The following FRK variants were observed in gnomAD, a reference collection of about 807,000 sequenced individuals.
The protein encoded by FRK is fyn related Src family tyrosine kinase, also known as tyrosine-protein kinase FRK.
Under a neutral mutation model 56.4 loss-of-function variants are expected in FRK, and 51 were observed. That is an observed-to-expected ratio of 0.90 (90% CI 0.72 to 1.14). The LOEUF (loss-of-function observed/expected upper bound fraction) is 1.14. Among genes scored for constraint, FRK ranks in the 50% most tolerant of loss-of-function variants. The probability of loss-of-function intolerance (pLI) is 0.00; values close to 1 mark genes in which losing one functional copy is unlikely to be tolerated. For missense variants in FRK, 570 were observed against 601.4 expected, an observed-to-expected ratio of 0.95 and a Z score of 0.55; for synonymous variants, 245 against 217.9, an observed-to-expected ratio of 1.12 and a Z score of -1.10.
intron 1 of FRK, among the ~76,000 whole-genome samples, chr6:116,014,183 T>C (rs2114719471): frequency 6.6e-6 from 1 of 152,326 alleles, no homozygotes; most frequent in East Asian, 1.9e-4. Flanking sequence ...ATTTTCTATG[T>C]GCTGAAATAC....
At chr6:115,980,632 C>T (rs1192457108) in intron 2 of FRK, among the ~76,000 whole-genome samples, 4 of 152,126 alleles carry the variant, frequency 2.6e-5, no homozygotes, top group Admixed American at 6.6e-5. Context: ...AAAACATACA[C>T]ATAATGCTTC....
At chr6:115,991,575 C>A (rs1292299623) in intron 2 of FRK, among the ~76,000 whole-genome samples, 2 of 151,554 alleles carry the variant, frequency 1.3e-5, no homozygotes, top group Admixed American at 6.6e-5. Context: ...TTACATTGAT[C>A]AATTTGCATA....
chr6:116,014,764 T>C (rs1266168310), intron 1 of FRK, among the ~76,000 whole-genome samples: 1 of 152,172 alleles, frequency 6.6e-6, no homozygotes, highest in Non-Finnish European at 1.5e-5. Context: ...ACTTGTTCTT[T>C]AAAAATTGTT....
intron 1 of FRK, among the ~76,000 whole-genome samples, chr6:116,056,530 G>A (rs574189146): frequency 6.6e-6 from 1 of 152,174 alleles, no homozygotes; most frequent in East Asian, 1.9e-4. Flanking sequence ...TATTATTGCT[G>A]ATCATATTGC....
At chr6:116,096,844 T>C in the FRK span, among the ~76,000 whole-genome samples, 7 of 152,350 alleles carry the variant, frequency 4.6e-5, no homozygotes, top group African/African-American at 1.7e-4. Context: ...CTGCTCACTC[T>C]TTGGGTCCAT....
chr6:116,034,934 G>A (rs1776414905), intron 1 of FRK, among the ~76,000 whole-genome samples: 1 of 151,976 alleles, frequency 6.6e-6, no homozygotes, highest in Non-Finnish European at 1.5e-5. Flanking sequence ...ATGGAAATTG[G>A]GTGGGAAGAA....
rs73772210 is a variant in FRK at position 116,040,924 on chromosome 6, T to C, written c.344+19044A>G. On this transcript the variant is annotated intron_variant, in intron 1 of 7. Coordinates refer to ENST00000606080, the MANE Select transcript of FRK (RefSeq NM_002031.3). ...GATAAACTAGAATATTTTATAATAC[T>C]AAAAATTTTGGATAATGGAGATTCA... Among the ~76,000 whole-genome samples the C allele has an allele frequency of 4.3e-3, 649 of 152,246 alleles. 8 individuals are homozygous for C. Among genetic ancestry groups the C allele is most frequent in the African/African-American group, 0.015 (631 of 41,568 alleles).
intron 4 of FRK, among the ~76,000 whole-genome samples, chr6:115,961,549 A>T (rs1455414239): frequency 1.4e-5 from 1 of 71,922 alleles, no homozygotes; most frequent in African/African-American, 6.0e-5. Context: ...AGAGAACGCC[A>T]CAAAGATACT....
chr6:116,038,819 G>C, intron 1 of FRK: 1 of 511,884 alleles, frequency 2.0e-6, no homozygotes. Flanking sequence ...GAAGAGCCTG[G>C]GGGAGCTCAT....
In FRK at chr6:115,937,348, A is replaced by G. The variant is rs1374721365; in HGVS notation, c.*5066T>C. On this transcript the variant is annotated 3_prime_UTR_variant, in exon 8 of 8. Coordinates refer to ENST00000606080, the MANE Select transcript of FRK (RefSeq NM_002031.3). ...GAAGCACTAAACATAGAGAGGAACAATCAATACCAGCCACTGCAAAAACAT... is the reference window on the plus strand; with the variant it reads ...GAAGCACTAAACATAGAGAGGAACAGTCAATACCAGCCACTGCAAAAACAT... 6.6e-6 allele frequency: 1 copy of G among 152,218 alleles called. No individual in the cohort carries two copies. Among genetic ancestry groups the G allele is most frequent in the Non-Finnish European group, 1.5e-5 (1 of 68,034 alleles). 9.4% of individuals were successfully genotyped at this position (152,218 alleles called of 1,614,324 possible).
chr6:115,978,957 G>A (rs1447206548), intron 2 of FRK, among the ~76,000 whole-genome samples: 1 of 151,802 alleles, frequency 6.6e-6, no homozygotes, highest in Non-Finnish European at 1.5e-5. Context: ...GGAGGATGAA[G>A]TGGAAGGATC....
intron 2 of FRK, among the ~76,000 whole-genome samples, chr6:115,988,718 C>T (rs1018775659): frequency 1.3e-5 from 2 of 151,854 alleles, no homozygotes; most frequent in East Asian, 1.9e-4. Flanking sequence ...TTTGTATACG[C>T]GATACACTAC....
chr6:115,937,617 G>A lies in FRK; in HGVS notation c.*4797C>T, dbSNP rs962688088. On this transcript the variant is annotated 3_prime_UTR_variant, in exon 8 of 8. Coordinates refer to ENST00000606080, the MANE Select transcript of FRK (RefSeq NM_002031.3). ...AGAGACACACAGGCTCAAGATAAAG[G>A]GATGGAGGAATATTTACGAAGCAAA... 4 of 152,002 alleles carry A rather than the reference G, an allele frequency of 2.6e-5. No individual in the cohort carries two copies. The highest frequency in any genetic ancestry group is 9.7e-5 in the African/African-American group (4 of 41,358). 9.4% of individuals were successfully genotyped at this position (152,002 alleles called of 1,614,324 possible).
Position 115,967,560 on chromosome 6 carries a change from A to G in FRK, c.790T>C (p.Leu264=). 6.2e-7 allele frequency: 1 copy of G among 1,612,766 alleles called. No individual in the cohort carries two copies. Among genetic ancestry groups the G allele is most frequent in the South Asian group, 1.1e-5 (1 of 90,804 alleles). ...NNTTPVAVKT[L]KPGSMDPNDF... ...TTTATTGTTCTCGCACCTGGTTTTA[A>G]TGTTTTCACTGCTACTGGAGTGGTA... The change falls in exon 4 of 8, where the codon TTA becomes CTA. Residue 264 remains leucine, a synonymous_variant. Coordinates refer to ENST00000606080, the MANE Select transcript of FRK (RefSeq NM_002031.3).
intron 5 of FRK, among the ~76,000 whole-genome samples, chr6:115,953,224 C>T (rs1329029885): frequency 1.9e-5 from 2 of 107,868 alleles, no homozygotes; most frequent in Middle Eastern, 8.2e-3. Context: ...GAGTCTCGCT[C>T]TGTCGCCCAG....
At chr6:116,074,045 CTCTT>C in the FRK span, among the ~76,000 whole-genome samples, 3 of 146,328 alleles carry the variant, frequency 2.1e-5, no homozygotes, top group African/African-American at 5.0e-5. Context: ...ACTGCAGACG[CTCTT>C]TCTATCTTAG....
chr6:116,006,923 G>C (rs891147691), intron 1 of FRK, among the ~76,000 whole-genome samples: 1 of 152,118 alleles, frequency 6.6e-6, no homozygotes, highest in African/African-American at 2.4e-5. Context: ...CATTGTAGTA[G>C]CATTTGTATA....
chr6:116,093,595 G>C, the FRK span, among the ~76,000 whole-genome samples: 1 of 152,218 alleles, frequency 6.6e-6, no homozygotes, highest in Non-Finnish European at 1.5e-5. Context: ...TTCCCTACTG[G>C]TCAGCAAGCC....
In FRK at chr6:115,994,261, G is replaced by T. The variant is rs146196134; in HGVS notation, c.466+9616C>A. Among the ~76,000 whole-genome samples, 400 of 146,368 alleles carry T rather than the reference G, an allele frequency of 2.7e-3. 1 individual carries two copies. Among genetic ancestry groups the T allele is most frequent in the African/African-American group, 9.0e-3 (362 of 40,334 alleles). ...AGTGAAACACTATTGGCTTATCAAA[G>T]AATTGGGGTCCTAGAAGATAAGTTG... On this transcript the variant is annotated intron_variant, in intron 2 of 7. Coordinates refer to ENST00000606080, the MANE Select transcript of FRK (RefSeq NM_002031.3).
Sources: allele counts gnomAD v4.1 joint callset (sites outside exome capture counted in the v4.1 genomes callset), GRCh38; gene constraint gnomAD v4.1.1; transcripts MANE v1.5; gene names NCBI Gene and HGNC (gene_info 2026-07-23, HGNC 2026-07-21).